ANKS1B: variants seen among roughly 807,000 people sequenced by gnomAD.
ANKS1B encodes ankyrin repeat and sterile alpha motif domain containing 1B.
Under a neutral mutation model 148.3 loss-of-function variants are expected in ANKS1B, and 36 were observed. That is an observed-to-expected ratio of 0.24 (90% CI 0.19 to 0.32). ANKS1B has a LOEUF of 0.32. Ranked by LOEUF, ANKS1B falls within the 10% of genes least tolerant of loss-of-function variation. ANKS1B has a pLI of 1.00. For synonymous variants in ANKS1B, 542 were observed against 560.8 expected, an observed-to-expected ratio of 0.97 and a Z score of 0.47; for missense variants, 1,157 against 1,542.6, an observed-to-expected ratio of 0.75 and a Z score of 4.19.
intron 12 of ANKS1B, among the ~76,000 whole-genome samples, chr12:99,291,301 T>A (rs758664649): frequency 1.3e-5 from 2 of 152,084 alleles, no homozygotes; most frequent in Admixed American, 1.3e-4. Flanking sequence ...ATTGTTACAA[T>A]AAAATGCTCA....
intron 14 of ANKS1B, among the ~76,000 whole-genome samples, chr12:99,214,467 C>A (rs183910462): frequency 1.3e-3 from 192 of 152,274 alleles, no homozygotes; most frequent in African/African-American, 4.5e-3. Flanking sequence ...GTTAATAAAT[C>A]TCACGAGATC....
At chr12:99,839,885 G>T (rs557430104) in intron 1 of ANKS1B, among the ~76,000 whole-genome samples, 1 of 151,840 alleles carries the variant, frequency 6.6e-6, no homozygotes, top group South Asian at 2.1e-4. Context: ...TCCACATGAA[G>T]TCTTATTTTT....
intron 9 of ANKS1B, among the ~76,000 whole-genome samples, chr12:99,522,936 G>A (rs985283626): frequency 3.3e-5 from 5 of 152,276 alleles, no homozygotes; most frequent in African/African-American, 1.2e-4. Context: ...AGAGACTGGG[G>A]GAGACTTGGC....
chr12:99,322,451 CTG>C, intron 12 of ANKS1B, among the ~76,000 whole-genome samples: 1 of 145,056 alleles, frequency 6.9e-6, no homozygotes, highest in African/African-American at 2.6e-5. Context: ...CCTGCACACT[CTG>C]TATATGTATC....
chr12:99,376,638 T>C (rs2093401532), intron 12 of ANKS1B, among the ~76,000 whole-genome samples: 1 of 152,188 alleles, frequency 6.6e-6, no homozygotes, highest in South Asian at 2.1e-4. Context: ...TGAAATTAAA[T>C]TGCATGGTTC....
At chr12:99,854,953 A>T (rs1297570776) in intron 1 of ANKS1B, among the ~76,000 whole-genome samples, 1 of 152,190 alleles carries the variant, frequency 6.6e-6, no homozygotes, top group African/African-American at 2.4e-5. Context: ...TCCTTAAAGC[A>T]TAAATCTCAC....
At chr12:99,287,788 G>A (rs2079341576) in intron 12 of ANKS1B, among the ~76,000 whole-genome samples, 1 of 152,104 alleles carries the variant, frequency 6.6e-6, no homozygotes, top group African/African-American at 2.4e-5. Context: ...GCAGCATCTT[G>A]CAATAGCAGA....
chr12:99,686,779 G>C (rs1367333484), intron 8 of ANKS1B, among the ~76,000 whole-genome samples: 1 of 151,982 alleles, frequency 6.6e-6, no homozygotes, highest in Non-Finnish European at 1.5e-5. Context: ...TTTTTGTGCT[G>C]TTGTTGCCAT....
chr12:99,178,046 T>G (rs1389132068), intron 14 of ANKS1B, among the ~76,000 whole-genome samples: 2 of 152,166 alleles, frequency 1.3e-5, no homozygotes, highest in Non-Finnish European at 2.9e-5. Flanking sequence ...TATGCAGTGT[T>G]TTTCTATTTT....
chr12:99,017,843 C>G (rs976776801), intron 17 of ANKS1B, among the ~76,000 whole-genome samples: 2 of 152,150 alleles, frequency 1.3e-5, no homozygotes, highest in East Asian at 3.8e-4. Context: ...CAGAGAAACT[C>G]GGGAAGCTGA....
chr12:99,114,620 C>T (rs555307121), intron 15 of ANKS1B, among the ~76,000 whole-genome samples: 1 of 152,100 alleles, frequency 6.6e-6, no homozygotes, highest in East Asian at 1.9e-4. Context: ...GGCGTGGTGG[C>T]ATGGGCCTGC....
At chr12:99,393,350 T>C (rs904551305) in intron 12 of ANKS1B, among the ~76,000 whole-genome samples, 3 of 152,116 alleles carry the variant, frequency 2.0e-5, no homozygotes, top group African/African-American at 7.2e-5. Context: ...CTTAGGGAAG[T>C]GGCCTTGAAT....
intron 10 of ANKS1B, among the ~76,000 whole-genome samples, chr12:99,500,565 T>G (rs561110203): frequency 1.3e-5 from 2 of 152,296 alleles, no homozygotes; most frequent in South Asian, 4.1e-4. Flanking sequence ...GTGAGCAAAA[T>G]AAATGACTGA....
At chr12:99,827,921 C>T (rs535643416) in intron 1 of ANKS1B, among the ~76,000 whole-genome samples, 1 of 152,204 alleles carries the variant, frequency 6.6e-6, no homozygotes, top group South Asian at 2.1e-4. Flanking sequence ...ACCATATAAT[C>T]CAGTCATTCC....
chr12:99,918,789 G>A (rs990884791), intron 1 of ANKS1B, among the ~76,000 whole-genome samples: 3 of 152,148 alleles, frequency 2.0e-5, no homozygotes, highest in African/African-American at 7.2e-5. Flanking sequence ...TTTTAATACA[G>A]GTTTCAATGT....
At chr12:99,118,411 A>G (rs901729203) in intron 15 of ANKS1B, among the ~76,000 whole-genome samples, 2 of 152,232 alleles carry the variant, frequency 1.3e-5, no homozygotes, top group African/African-American at 4.8e-5. Context: ...GTTACACTGC[A>G]TATGAGAACA....
intron 12 of ANKS1B, among the ~76,000 whole-genome samples, chr12:99,344,733 T>C (rs1481473309): frequency 6.6e-6 from 1 of 152,064 alleles, no homozygotes; most frequent in African/African-American, 2.4e-5. Context: ...TATTTGCATA[T>C]GATCAGTCAC....
intron 14 of ANKS1B, among the ~76,000 whole-genome samples, chr12:99,177,004 T>A (rs1482219772): frequency 1.3e-5 from 2 of 152,200 alleles, no homozygotes; most frequent in African/African-American, 2.4e-5. Flanking sequence ...TTTCTGCATA[T>A]GAGAGGAGGT....
At chr12:98,878,374 A>AAAACAAAC (rs3051082) in intron 17 of ANKS1B, among the ~76,000 whole-genome samples, 40,239 of 150,264 alleles carry the variant, frequency 0.27, 5,829 homozygotes, top group Non-Finnish European at 0.3. Context: ...ACCCTGTCTC[A>AAAACAAAC]AAACAAACAA....
Sources: gnomAD v4.1 joint callset for allele counts (sites outside exome capture counted in the v4.1 genomes callset) on GRCh38, gnomAD v4.1.1 for gene constraint, MANE v1.5 for transcripts, NCBI Gene and HGNC (gene_info 2026-07-23, HGNC 2026-07-21) for gene names.